Variants in SLC7A1 observed in about 807,000 individuals in gnomAD.
The protein encoded by SLC7A1 is solute carrier family 7 member 1.
SLC7A1 carries 10 observed loss-of-function variants against 53.9 expected under a neutral mutation model. The observed-to-expected ratio is 0.19, with a 90% CI of 0.11 to 0.31. The LOEUF (loss-of-function observed/expected upper bound fraction) is 0.31, where lower values mean the gene tolerates loss of function less well. Ranked by LOEUF, SLC7A1 falls within the 10% of genes least tolerant of loss-of-function variation. The pLI is 1.00. For synonymous variants in SLC7A1, 342 were observed against 338.7 expected (o/e 1.01, Z -0.11); for missense variants, 525 against 827.2 (o/e 0.63, Z 4.48).
intron 2 of SLC7A1, among the ~76,000 whole-genome samples, chr13:29,542,170 C>T (rs1016929137): frequency 6.6e-6 from 1 of 152,152 alleles, no homozygotes; most frequent in African/African-American, 2.4e-5. Flanking sequence ...ACTACATGAA[C>T]TCGGCCAGGC....
At chr13:29,581,442 T>C (rs1249371295) in intron 1 of SLC7A1, among the ~76,000 whole-genome samples, 2 of 152,234 alleles carry the variant, frequency 1.3e-5, no homozygotes, top group East Asian at 3.9e-4. Flanking sequence ...AAGGTTTCCC[T>C]GAATACTCGT....
chr13:29,576,198 A>G (rs2139175001), intron 1 of SLC7A1, among the ~76,000 whole-genome samples: 1 of 150,578 alleles, frequency 6.6e-6, no homozygotes, highest in South Asian at 2.1e-4. Flanking sequence ...AAGCTGAGGC[A>G]GGAGGATTGC....
rs960857362 is a variant in SLC7A1, at chr13:29,510,634, G to A, written c.*3846C>T. The A allele has an allele frequency of 1.3e-5, 2 of 152,254 alleles. No individual in the cohort carries two copies. Among genetic ancestry groups the A allele is most frequent in the African/African-American group, 4.8e-5 (2 of 41,452 alleles). 9.4% of individuals were successfully genotyped at this position (152,254 alleles called of 1,614,324 possible). Reference sequence around the variant, plus strand: ...CTGCAATTTCCCCGTCCTCGGAACTGTCTCACGAGACCACCAGCGCACAGA... The same window carrying A: ...CTGCAATTTCCCCGTCCTCGGAACTATCTCACGAGACCACCAGCGCACAGA... On this transcript the variant is annotated 3_prime_UTR_variant, in exon 13 of 13. Coordinates refer to ENST00000380752, the MANE Select transcript of SLC7A1 (RefSeq NM_003045.5).
At chr13:29,579,966 G>A (rs1871573170) in intron 1 of SLC7A1, among the ~76,000 whole-genome samples, 1 of 152,202 alleles carries the variant, frequency 6.6e-6, no homozygotes, top group Admixed American at 6.5e-5. Context: ...TCTGATCGTG[G>A]TTGTTCCCAC....
chr13:29,572,409 G>A (rs1871237602), intron 1 of SLC7A1, among the ~76,000 whole-genome samples: 1 of 152,190 alleles, frequency 6.6e-6, no homozygotes. Context: ...AAAAAGTACA[G>A]AGGCCACCCA....
chr13:29,533,008 G>A (rs1387217228), intron 3 of SLC7A1, 26 bp from the exon 4 acceptor site: 3 of 1,591,452 alleles, frequency 1.9e-6, no homozygotes, highest in Non-Finnish European at 2.6e-6. Flanking sequence ...CACAACAGAG[G>A]AGATGTGAGG....
chr13:29,539,238 A>G (rs2989596), intron 2 of SLC7A1, among the ~76,000 whole-genome samples: 141,507 of 152,146 alleles, frequency 0.93, 66,562 homozygotes, highest in Non-Finnish European at 1. Context: ...GGAACCAAAC[A>G]GATTCTTGGC....
intron 2 of SLC7A1, among the ~76,000 whole-genome samples, chr13:29,541,378 T>C (rs1403214661): frequency 6.6e-6 from 1 of 151,958 alleles, no homozygotes; most frequent in Non-Finnish European, 1.5e-5. Flanking sequence ...GAAAAGGAAA[T>C]TAACCGTGGT....
intron 1 of SLC7A1, among the ~76,000 whole-genome samples, chr13:29,557,280 G>A (rs892330005): frequency 3.3e-5 from 5 of 152,188 alleles, no homozygotes; most frequent in African/African-American, 1.2e-4. Flanking sequence ...GTGACACCAT[G>A]TGGCTATATT....
intron 8 of SLC7A1, among the ~76,000 whole-genome samples, chr13:29,521,436 C>G (rs1868624059): frequency 6.6e-6 from 1 of 152,232 alleles, no homozygotes; most frequent in Admixed American, 6.5e-5. Context: ...AGCTTGGCTA[C>G]TTTGGCATAA....
rs556791576 is a variant in SLC7A1 at position 29,517,224 on chromosome 13, C to G, written c.1597G>C (p.Ala533Pro). Reference sequence around the variant, plus strand: ...ACGGCACAGAGGAGGGCAGACCCTGCGAGCAGAAAGACTGCCCACAGCGCC... The same window carrying G: ...ACGGCACAGAGGAGGGCAGACCCTGGGAGCAGAAAGACTGCCCACAGCGCC... ...KGALWAVFLL[A>P]GSALLCAVVT... Residue 533 changes from alanine (A) to proline (P), a missense_variant, in exon 11 of 13, where the codon GCA becomes CCA. By Grantham distance (27) the Ala-to-Pro change is conservative (BLOSUM62 -1). Coordinates refer to ENST00000380752, the MANE Select transcript of SLC7A1 (RefSeq NM_003045.5). The G allele has an allele frequency of 1.1e-5, 17 of 1,613,058 alleles. No homozygotes were observed. The highest frequency in any genetic ancestry group is 4.4e-5 in the South Asian group (4 of 90,830).
intron 1 of SLC7A1, among the ~76,000 whole-genome samples, chr13:29,564,684 T>C (rs1000400029): frequency 1.3e-5 from 2 of 152,204 alleles, no homozygotes; most frequent in Non-Finnish European, 2.9e-5. Context: ...GAGGAAGACA[T>C]TGATATCAAT....
intron 1 of SLC7A1, among the ~76,000 whole-genome samples, chr13:29,572,774 G>A (rs1481166827): frequency 3.3e-5 from 5 of 152,172 alleles, no homozygotes; most frequent in Non-Finnish European, 5.9e-5. Flanking sequence ...AGCACTGGGC[G>A]GGGAAGGTGA....
rs56044231 is a variant in SLC7A1, at chr13:29,526,090, G to T, written c.705-1837C>A. On this transcript the variant is annotated intron_variant, in intron 5 of 12. Coordinates refer to ENST00000380752, the MANE Select transcript of SLC7A1 (RefSeq NM_003045.5). ...CTCAAGAGTCAAAATGGCTTCTGTG[G>T]GCCCCACTTTGGTGCCCTGTGGCGG... Among the ~76,000 whole-genome samples, 347 of 152,320 alleles carry T rather than the reference G, an allele frequency of 2.3e-3. 2 individuals are homozygous for T. The highest frequency in any genetic ancestry group is 0.01 in the Middle Eastern group (3 of 294).
Position 29,569,343 on chromosome 13 carries a change from C to T in SLC7A1, c.-114-15483G>A, listed in dbSNP as rs553271. 3.4e-3 allele frequency among the ~76,000 whole-genome samples: 524 copies of T among 152,290 alleles called. 4 individuals carry two copies. The highest frequency in any genetic ancestry group is 0.012 in the African/African-American group (491 of 41,542). The stretch of plus-strand genomic sequence containing the variant: ...GGGTGTTAGAAGTGGTTAGGGCCCC[C>T]TCACTACTCCAGGCTGTGAACCCCC... On this transcript the variant is annotated intron_variant, in intron 1 of 12. Transcript: ENST00000380752.
At position 29,511,175 on chromosome 13, in the gene SLC7A1, G is replaced by C. The variant is rs1883378868; in HGVS notation, c.*3305C>G. The C allele has an allele frequency of 6.5e-6, 1 of 152,928 alleles. No homozygotes were observed. The highest frequency in any genetic ancestry group is 2.4e-5 in the African/African-American group (1 of 41,492). The allele number at this position is 152,928 out of a possible 1,614,324, so 9.5% of individuals were successfully genotyped here. ...TGAAGGTGCAGGAGGCAGTGCGTCA[G>C]GGCCTTGGTGGCTGGGGTAGGTGGA... On this transcript the variant is annotated 3_prime_UTR_variant, in exon 13 of 13. Coordinates refer to ENST00000380752, the MANE Select transcript of SLC7A1 (RefSeq NM_003045.5).
chr13:29,583,570 G>A (rs919213507), intron 1 of SLC7A1, among the ~76,000 whole-genome samples: 3 of 152,144 alleles, frequency 2.0e-5, no homozygotes, highest in African/African-American at 7.2e-5. Context: ...CCACTCATGG[G>A]CAACCAGGAG....
intron 2 of SLC7A1, among the ~76,000 whole-genome samples, chr13:29,541,452 T>A (rs1869663415): frequency 6.6e-6 from 1 of 152,188 alleles, no homozygotes; most frequent in South Asian, 2.1e-4. Context: ...TAATCCCAGG[T>A]GAACTGAGTC....
chr13:29,519,018 C>T (rs545835235), intron 9 of SLC7A1, among the ~76,000 whole-genome samples: 9 of 152,282 alleles, frequency 5.9e-5, no homozygotes, highest in South Asian at 2.1e-4. Flanking sequence ...CCAGCCACAG[C>T]GCAACGAAGC....
Sources: gnomAD v4.1 joint callset for allele counts (sites outside exome capture counted in the v4.1 genomes callset) on GRCh38, gnomAD v4.1.1 for gene constraint, MANE v1.5 for transcripts, NCBI Gene and HGNC (gene_info 2026-07-23, HGNC 2026-07-21) for gene names.